PPP1R9A: variants seen among roughly 807,000 people sequenced by gnomAD.
PPP1R9A encodes the protein neurabin-1.
PPP1R9A carries 59 observed loss-of-function variants against 141.9 expected under a neutral mutation model. The observed-to-expected ratio is 0.42, with a 90% confidence interval of 0.34 to 0.52. PPP1R9A has a LOEUF of 0.52. Among genes scored for constraint, PPP1R9A ranks in the 20% least tolerant of loss-of-function variants. PPP1R9A has a pLI of 0.10. For synonymous variants in PPP1R9A, 500 were observed against 569.7 expected, an observed-to-expected ratio of 0.88 and a Z score of 1.74; for missense variants, 1,444 against 1,611.9, an observed-to-expected ratio of 0.90 and a Z score of 1.78.
intron 7 of PPP1R9A, among the ~76,000 whole-genome samples, chr7:95,204,508 C>G (rs971432268): frequency 4.6e-5 from 7 of 152,040 alleles, no homozygotes; most frequent in Admixed American, 2.0e-4. Flanking sequence ...GTCACCAAAG[C>G]CAAGAATCAC....
At chr7:95,154,160 A>G (rs937409311) in intron 4 of PPP1R9A, among the ~76,000 whole-genome samples, 37 of 151,012 alleles carry the variant, frequency 2.5e-4, no homozygotes, top group African/African-American at 8.5e-4. Context: ...ATGGGTATCA[A>G]CTTTCCTCTT....
Position 94,910,492 on chromosome 7 carries a change from T to C in PPP1R9A, c.379T>C (p.Phe127Leu). 2 of 1,614,166 alleles carry C rather than the reference T, an allele frequency of 1.2e-6. No homozygotes were observed. Among genetic ancestry groups the C allele is most frequent in the Non-Finnish European group, 1.7e-6 (2 of 1,180,016 alleles). ...TTCTGTTTCTGAACGAATTAGTAGA[T>C]TTGACACTATGTACGATGGCCCTTC... is the stretch of plus-strand genomic sequence containing the variant. ...ESSVSERISR[F>L]DTMYDGPSYS... The change falls in exon 2 of 20, where the codon TTT (phenylalanine) becomes CTT (leucine). Residue 127 changes from phenylalanine to leucine, a missense_variant. Physicochemically the swap from Phe to Leu is conservative, Grantham distance 22. Transcript: ENST00000433360. The surrounding 1 kb of genome is among the most constrained non-coding windows in gnomAD (Gnocchi z 4.5).
intron 8 of PPP1R9A, among the ~76,000 whole-genome samples, chr7:95,244,838 T>C (rs539185984): frequency 9.1e-4 from 138 of 152,320 alleles, no homozygotes; most frequent in African/African-American, 3.1e-3. Context: ...TGCTAGCCAC[T>C]GTGCTAAGTG....
intron 4 of PPP1R9A, 104 bp downstream of exon 4, chr7:95,120,936 A>C (rs1822458695): frequency 7.1e-7 from 1 of 1,417,582 alleles, no homozygotes; most frequent in African/African-American, 1.4e-5. Context: ...TTTTTAGGAT[A>C]GAATTTCAGG....
At chr7:95,136,985 A>G (rs1220429421) in intron 4 of PPP1R9A, among the ~76,000 whole-genome samples, 2 of 152,196 alleles carry the variant, frequency 1.3e-5, no homozygotes, top group African/African-American at 4.8e-5. Flanking sequence ...GTGACTTCAA[A>G]GAGAAGTTAT....
At chr7:95,052,064 T>TCCTGA (rs1465373119) in intron 2 of PPP1R9A, among the ~76,000 whole-genome samples, 2 of 152,082 alleles carry the variant, frequency 1.3e-5, no homozygotes, top group Non-Finnish European at 2.9e-5. Flanking sequence ...GGTCTTAAAC[T>TCCTGA]CCTGACCTCA....
At chr7:95,213,681 G>GAA (rs1448749576) in intron 7 of PPP1R9A, among the ~76,000 whole-genome samples, 1 of 151,992 alleles carries the variant, frequency 6.6e-6, no homozygotes, top group Non-Finnish European at 1.5e-5. Context: ...CCATGGATTT[G>GAA]AACTCTGTTT....
chr7:95,183,448 CTTTTTTT>C (rs766642929), intron 5 of PPP1R9A, among the ~76,000 whole-genome samples: 1 of 103,034 alleles, frequency 9.7e-6, no homozygotes, highest in South Asian at 3.3e-4. Context: ...CAAAAATATT[CTTTTTTT>C]TTTTTTTTTT....
intron 2 of PPP1R9A, among the ~76,000 whole-genome samples, chr7:94,976,206 GA>G (rs1799424647): frequency 6.6e-6 from 1 of 151,920 alleles, no homozygotes; most frequent in African/African-American, 2.4e-5. Flanking sequence ...GTACAGGACA[GA>G]AAACTAAAAT....
Position 94,911,130 on chromosome 7 carries a change from A to C in PPP1R9A, c.1017A>C (p.Pro339=), listed in dbSNP as rs756747036. ...TGCCAAAGTCCGAAATCCCTTCACC[A>C]CAAAGCCAACTGTTAGAAGATGCTG... The part of the protein sequence containing the change: ...KAMPKSEIPS[P]QSQLLEDAEA... Residue 339 remains proline (P), a synonymous_variant, in exon 2 of 20, where the codon CCA becomes CCC. Transcript: ENST00000433360. 1.9e-6 allele frequency: 3 copies of C among 1,614,204 alleles called. No individual in the cohort carries two copies. The highest frequency in any genetic ancestry group is 2.5e-6 in the Non-Finnish European group (3 of 1,180,022).
rs534663133 is a variant in PPP1R9A at position 94,989,003 on chromosome 7, C to T, written c.1395+77495C>T. Among the ~76,000 whole-genome samples, 6 of 152,102 alleles carry T rather than the reference C, an allele frequency of 3.9e-5. No homozygotes were observed. In the South Asian group the frequency reaches 1.2e-3, roughly 32 times the overall value. On this transcript the variant is annotated intron_variant, in intron 2 of 19. Coordinates refer to ENST00000433360, the MANE Select transcript of PPP1R9A (RefSeq NM_001166160.2). ...ACAATCAAAATAGTTAACTCTAAAACAATGGTTATCACAGTTTTGAGGACT... is the reference window on the plus strand; with the variant it reads ...ACAATCAAAATAGTTAACTCTAAAATAATGGTTATCACAGTTTTGAGGACT...
chr7:94,981,111 C>T (rs1800053754), intron 2 of PPP1R9A, among the ~76,000 whole-genome samples: 1 of 152,168 alleles, frequency 6.6e-6, no homozygotes, highest in African/African-American at 2.4e-5. Context: ...TCATTTGTAT[C>T]TAGCTTAAAG....
Position 95,009,025 on chromosome 7 carries a change from A to G in PPP1R9A, c.1395+97517A>G, listed in dbSNP as rs558455655. Reference sequence around the variant, plus strand: ...AGGGACATGGATGAAGCTGGAAACCATCATTCTCAGCAAACTATCGCAAGG... The same window carrying G: ...AGGGACATGGATGAAGCTGGAAACCGTCATTCTCAGCAAACTATCGCAAGG... On this transcript the variant is annotated intron_variant, in intron 2 of 19. Coordinates refer to ENST00000433360, the MANE Select transcript of PPP1R9A (RefSeq NM_001166160.2). Among the ~76,000 whole-genome samples the G allele has an allele frequency of 2.1e-3, 318 of 152,312 alleles. 1 individual carries two copies. The highest frequency in any genetic ancestry group is 2.6e-3 in the Non-Finnish European group (178 of 68,030).
intron 4 of PPP1R9A, among the ~76,000 whole-genome samples, chr7:95,128,026 A>C (rs574799189): frequency 6.6e-6 from 1 of 152,102 alleles, no homozygotes; most frequent in African/African-American, 2.4e-5. Flanking sequence ...TTTCTTTTGG[A>C]TATCTACCCA....
intron 5 of PPP1R9A, among the ~76,000 whole-genome samples, chr7:95,180,955 A>G (rs1381868827): frequency 6.6e-6 from 1 of 151,966 alleles, no homozygotes; most frequent in Non-Finnish European, 1.5e-5. Context: ...CACTATGGAA[A>G]ACAGTGTGGA....
At chr7:95,181,865 T>G (rs1165787097) in intron 5 of PPP1R9A, among the ~76,000 whole-genome samples, 1 of 149,644 alleles carries the variant, frequency 6.7e-6, no homozygotes, top group East Asian at 1.9e-4. Context: ...AGGAATGAAT[T>G]AATGGCATTC....
intron 2 of PPP1R9A, among the ~76,000 whole-genome samples, chr7:94,948,752 C>T (rs1339331061): frequency 6.6e-6 from 1 of 152,050 alleles, no homozygotes; most frequent in Non-Finnish European, 1.5e-5. Flanking sequence ...TGTCATTCTC[C>T]TGGCATTTAT....
chr7:95,275,087 A>G (rs1802911518), intron 16 of PPP1R9A, among the ~76,000 whole-genome samples: 1 of 152,132 alleles, frequency 6.6e-6, no homozygotes, highest in African/African-American at 2.4e-5. Context: ...GTAGTTTTAT[A>G]TTTATCATTT....
At chr7:95,075,918 G>T (rs1385570694) in intron 2 of PPP1R9A, among the ~76,000 whole-genome samples, 1 of 152,106 alleles carries the variant, frequency 6.6e-6, no homozygotes, top group African/African-American at 2.4e-5. Flanking sequence ...GTAACTTGTG[G>T]GAAAGTAACT....
Sources: gnomAD v4.1 joint callset for allele counts (sites outside exome capture counted in the v4.1 genomes callset) on GRCh38, gnomAD v4.1.1 for gene constraint, Gnocchi (gnomAD v3.1) non-coding constraint, MANE v1.5 for transcripts, NCBI Gene and HGNC (gene_info 2026-07-23, HGNC 2026-07-21) for gene names.